CDON: variants seen among roughly 807,000 people sequenced by gnomAD.
CDON encodes cell adhesion molecule-related/down-regulated by oncogenes.
CDON carries 73 observed loss-of-function variants against 120.9 expected under a neutral mutation model. That is an observed-to-expected ratio of 0.60 (90% CI 0.50 to 0.73). The LOEUF (loss-of-function observed/expected upper bound fraction) is 0.73. CDON is among the 30% of genes least tolerant of loss of function. CDON has a pLI of 0.00. For synonymous variants in CDON, 566 were observed against 573.5 expected, an observed-to-expected ratio of 0.99 and a Z score of 0.19; for missense variants, 1,470 against 1,587.3, an observed-to-expected ratio of 0.93 and a Z score of 1.26.
At position 125,958,757 on chromosome 11, in the gene CDON, T is replaced by G. The variant is rs1368474898; in HGVS notation, c.*2185A>C. 2 of 152,506 alleles carry G rather than the reference T, an allele frequency of 1.3e-5. No homozygotes were observed. Among genetic ancestry groups the G allele is most frequent in the African/African-American group, 4.8e-5 (2 of 41,380 alleles). 9.4% of individuals were successfully genotyped at this position (152,506 alleles called of 1,614,324 possible). A position where few individuals can be genotyped will look rare whatever the true frequency, so the allele number is the denominator to read the frequency against. On this transcript the variant is annotated 3_prime_UTR_variant, in exon 20 of 20. Transcript: ENST00000531738. ...CCATTTTCTCTTCCTCGTGGACAGA[T>G]CCCATATTCAAACTCAATCTTTAAA...
At chr11:126,009,251 G>T (rs971907022) in intron 8 of CDON, among the ~76,000 whole-genome samples, 3 of 152,178 alleles carry the variant, frequency 2.0e-5, no homozygotes, top group African/African-American at 4.8e-5. Context: ...CAGAGCAAGG[G>T]CGTCCTTGTT....
chr11:125,977,750 T>C (rs549825479), intron 18 of CDON, among the ~76,000 whole-genome samples: 3 of 152,304 alleles, frequency 2.0e-5, no homozygotes, highest in African/African-American at 4.8e-5. Context: ...GTTTGAAATA[T>C]TGTGAGTACA....
Position 125,957,651 on chromosome 11 carries a change from T to A in CDON, c.*3291A>T, listed in dbSNP as rs894089594. ...GAGCAACACAGGTAAAATTCAATGA[T>A]AAACTTCACTTCTTGGCAGTACTAT... On this transcript the variant is annotated 3_prime_UTR_variant, in exon 20 of 20. Transcript: ENST00000531738. 1 of 152,206 alleles carries A rather than the reference T, an allele frequency of 6.6e-6. No homozygotes were observed. The highest frequency in any genetic ancestry group is 1.5e-5 in the Non-Finnish European group (1 of 68,034). The allele number at this position is 152,206 out of a possible 1,614,324, so 9.4% of individuals were successfully genotyped here.
At position 126,054,013 on chromosome 11, in the gene CDON, G is replaced by A. The variant is rs1028046759; in HGVS notation, c.-62+8566C>T. On this transcript the variant is annotated intron_variant, in intron 1 of 19. Coordinates refer to ENST00000531738, the MANE Select transcript of CDON (RefSeq NM_001378964.1). The stretch of plus-strand genomic sequence containing the variant: ...TTTTATTGGAATAAGAGACTGCCAA[G>A]TTCTGATGTCACTACAATAATTTCA... Among the ~76,000 whole-genome samples, 15 of 152,170 alleles carry A rather than the reference G, an allele frequency of 9.9e-5. 1 individual carries two copies. Among genetic ancestry groups the A allele is most frequent in the African/African-American group, 3.6e-4 (15 of 41,426 alleles).
At chr11:126,015,893 G>GCCAA (rs1947453627) in intron 6 of CDON, among the ~76,000 whole-genome samples, 1 of 152,188 alleles carries the variant, frequency 6.6e-6, no homozygotes, top group Non-Finnish European at 1.5e-5. Context: ...CAAAACAGAA[G>GCCAA]AACGTTTTAC....
chr11:126,009,449 A>G (rs965596904), intron 8 of CDON, among the ~76,000 whole-genome samples: 5 of 152,192 alleles, frequency 3.3e-5, no homozygotes, highest in African/African-American at 1.2e-4. Flanking sequence ...AACTCACTGA[A>G]GCAGGAAATG....
chr11:126,050,615 G>A (rs1948534712), intron 1 of CDON, among the ~76,000 whole-genome samples: 2 of 151,630 alleles, frequency 1.3e-5, no homozygotes, highest in African/African-American at 2.4e-5. Context: ...TCAGAAACAG[G>A]AAAGGAGAAA....
intron 8 of CDON, among the ~76,000 whole-genome samples, chr11:126,008,415 C>A (rs907495507): frequency 6.6e-6 from 1 of 152,066 alleles, no homozygotes; most frequent in African/African-American, 2.4e-5. Flanking sequence ...AAAAAGACAA[C>A]GTAGGACCTC....
intron 9 of CDON, 87 bp from the exon 10 acceptor site, chr11:126,004,163 C>A: frequency 4.6e-6 from 6 of 1,310,304 alleles, no homozygotes; most frequent in Non-Finnish European, 6.4e-6. Context: ...AACTAGGATT[C>A]ATTTAATTCT....
chr11:125,973,018 CTTTTTTTTTT>C (rs35828939), intron 18 of CDON, among the ~76,000 whole-genome samples: 3 of 87,036 alleles, frequency 3.4e-5, no homozygotes, highest in Non-Finnish European at 4.5e-5. Context: ...ATTACTTGGT[CTTTTTTTTTT>C]TTTTTTTTTT....
Position 126,021,306 on chromosome 11 carries a change from G to A in CDON, c.291C>T (p.Cys97=), listed in dbSNP as rs753586166. 2.5e-6 allele frequency: 4 copies of A among 1,614,128 alleles called. No homozygotes were observed. Among genetic ancestry groups the A allele is most frequent in the Admixed American group, 3.3e-5 (2 of 60,018 alleles). Residue 97 remains cysteine, a synonymous_variant, in exon 3 of 20, where the codon TGC becomes TGT. Transcript: ENST00000531738. ...TGGCACCGATGCTATTGTTGGCAAG[G>A]CACTGGTAGTAACCCAAAAGAGAGG... ...LNSSLLGYYQ[C]LANNSIGAIV...
intron 10 of CDON, among the ~76,000 whole-genome samples, chr11:126,003,531 A>C (rs1947018740): frequency 6.6e-6 from 1 of 152,204 alleles, no homozygotes; most frequent in African/African-American, 2.4e-5. Context: ...ACTATCCAAA[A>C]GAATTCTGGT....
intron 1 of CDON, among the ~76,000 whole-genome samples, chr11:126,054,448 GTTTT>G (rs1199606173): frequency 3.3e-5 from 5 of 152,156 alleles, no homozygotes; most frequent in African/African-American, 4.8e-5. Context: ...ATATGTAACT[GTTTT>G]TTTCTTTATC....
chr11:126,017,583 C>T (rs752466760), intron 5 of CDON, among the ~76,000 whole-genome samples: 1 of 152,084 alleles, frequency 6.6e-6, no homozygotes, highest in Admixed American at 6.5e-5. Context: ...ATGCAGAATT[C>T]CCAACAAGTT....
At chr11:125,982,122 G>A (rs1356553609) in intron 16 of CDON, among the ~76,000 whole-genome samples, 2 of 148,080 alleles carry the variant, frequency 1.4e-5, no homozygotes, top group Non-Finnish European at 3.0e-5. Context: ...TAGCTTGTGC[G>A]TGCCACCACA....
intron 16 of CDON, among the ~76,000 whole-genome samples, chr11:125,983,330 C>CA (rs532950287): frequency 6.6e-6 from 1 of 152,188 alleles, no homozygotes; most frequent in South Asian, 2.1e-4. Flanking sequence ...CATCGATGTT[C>CA]AAGCACACGT....
At chr11:126,045,398 C>T (rs1565552866) in intron 1 of CDON, among the ~76,000 whole-genome samples, 1 of 152,030 alleles carries the variant, frequency 6.6e-6, no homozygotes. Flanking sequence ...GGTAATCATG[C>T]TTAATATCAA....
rs1482384768 is a variant in CDON, at chr11:126,007,633, T to C, written c.1553-1576A>G. On this transcript the variant is annotated intron_variant, in intron 8 of 19. Coordinates refer to ENST00000531738, the MANE Select transcript of CDON (RefSeq NM_001378964.1). ...GGATCTGGCTGTAAAAGAGTTTAAA[T>C]GCCACATGCCTCATACAGAAGCATG... Among the ~76,000 whole-genome samples, 3 of 152,206 alleles carry C rather than the reference T, an allele frequency of 2.0e-5. No individual in the cohort carries two copies. In the East Asian group the frequency reaches 5.8e-4, roughly 29 times the overall value.
intron 7 of CDON, among the ~76,000 whole-genome samples, chr11:126,012,528 AGTAGCT>A (rs1947336654): frequency 6.7e-6 from 1 of 149,618 alleles, no homozygotes; most frequent in South Asian, 2.1e-4. Flanking sequence ...CAGCCTCCTG[AGTAGCT>A]GGGACTACAG....
Sources: gnomAD v4.1 joint callset for allele counts (sites outside exome capture counted in the v4.1 genomes callset) on GRCh38, gnomAD v4.1.1 for gene constraint, MANE v1.5 for transcripts, NCBI Gene and HGNC (gene_info 2026-07-23, HGNC 2026-07-21) for gene names.